PIK3R3: variants seen among roughly 807,000 people sequenced by gnomAD.
PIK3R3 encodes phosphoinositide-3-kinase regulatory subunit 3.
In PIK3R3, 64 loss-of-function variants were observed where a neutral mutation model predicts 62.9. The ratio of observed to expected loss-of-function variants is 1.02; its 90% CI spans 0.83 to 1.25. The LOEUF (loss-of-function observed/expected upper bound fraction) is 1.25. Among genes scored for constraint, PIK3R3 ranks in the 50% most tolerant of loss-of-function variants. The probability of loss-of-function intolerance (pLI) is 0.00; values close to 1 mark genes in which losing one functional copy is unlikely to be tolerated. For synonymous variants in PIK3R3, 165 were observed against 189.0 expected (o/e 0.87, Z 1.04); for missense variants, 614 against 561.6 (o/e 1.09, Z -0.94).
chr1:46,121,958 A>C (rs945699559), intron 1 of PIK3R3, among the ~76,000 whole-genome samples: 3 of 151,916 alleles, frequency 2.0e-5, no homozygotes, highest in African/African-American at 7.2e-5. Flanking sequence ...AAAATTAGCC[A>C]GGTGTGGTGG....
At chr1:46,055,106 CTTTTTT>C (rs754326024) in intron 7 of PIK3R3, among the ~76,000 whole-genome samples, 1 of 125,470 alleles carries the variant, frequency 8.0e-6, no homozygotes, top group African/African-American at 3.0e-5. Flanking sequence ...GTTTCACCAT[CTTTTTT>C]TTTTTTTTTT....
intron 7 of PIK3R3, 88 bp from the exon 8 acceptor site, chr1:46,046,713 T>G: frequency 1.2e-6 from 1 of 824,442 alleles, no homozygotes; most frequent in Non-Finnish European, 2.0e-6. Flanking sequence ...ACTTCTAGAG[T>G]CTAGACACCT....
intron 4 of PIK3R3, 100 bp downstream of exon 4, chr1:46,066,811 T>C: frequency 1.1e-6 from 1 of 936,550 alleles, no homozygotes; most frequent in East Asian, 2.5e-5. Flanking sequence ...AATAACAAAA[T>C]GGCTAGTTTT....
chr1:46,046,513 A>AT (rs768717528), intron 8 of PIK3R3, 38 bp downstream of exon 8: 62 of 1,361,034 alleles, frequency 4.6e-5, no homozygotes, highest in Non-Finnish European at 5.9e-5. Flanking sequence ...TATATTGATA[A>AT]CAAAGCCCTC....
intron 3 of PIK3R3, among the ~76,000 whole-genome samples, chr1:46,075,350 T>G (rs1264602429): frequency 4.6e-5 from 7 of 152,196 alleles, no homozygotes; most frequent in Admixed American, 3.3e-4. Flanking sequence ...GCACAGTGGC[T>G]CACGCCTGTA....
the PIK3R3 span, among the ~76,000 whole-genome samples, chr1:46,143,631 T>C: frequency 6.6e-6 from 1 of 150,928 alleles, no homozygotes; most frequent in Non-Finnish European, 1.5e-5. Context: ...CATGCCACCA[T>C]GCCCAGCTAA....
chr1:46,100,870 G>C (rs1164186943), intron 1 of PIK3R3, among the ~76,000 whole-genome samples: 1 of 152,076 alleles, frequency 6.6e-6, no homozygotes, highest in Non-Finnish European at 1.5e-5. Flanking sequence ...AGCTGTTGCT[G>C]CTATAATGAG....
intron 1 of PIK3R3, among the ~76,000 whole-genome samples, chr1:46,128,412 G>A (rs1655279951): frequency 6.6e-6 from 1 of 152,068 alleles, no homozygotes; most frequent in South Asian, 2.1e-4. Context: ...ACTCCAGACT[G>A]GGCGACACAG....
chr1:46,067,955 A>T (rs763121481), intron 3 of PIK3R3, among the ~76,000 whole-genome samples: 56 of 152,232 alleles, frequency 3.7e-4, no homozygotes, highest in Non-Finnish European at 7.1e-4. Flanking sequence ...GTTGATTCAT[A>T]GCAAAATGCT....
chr1:46,096,864 A>AAAG (rs1427807029), intron 1 of PIK3R3, among the ~76,000 whole-genome samples: 1 of 151,830 alleles, frequency 6.6e-6, no homozygotes, highest in African/African-American at 2.4e-5. Flanking sequence ...AAGAAAGAAA[A>AAAG]AAGAAGAGGA....
At chr1:46,136,069 A>C (rs1037400859), upstream of PIK3R3, among the ~76,000 whole-genome samples, 32 of 140,716 alleles carry the variant, frequency 2.3e-4, no homozygotes, top group Admixed American at 9.1e-4. Context: ...ATGGAAATAT[A>C]CTTTTTTTTT....
the PIK3R3 span, among the ~76,000 whole-genome samples, chr1:46,172,622 T>C: frequency 6.6e-6 from 1 of 152,142 alleles, no homozygotes; most frequent in African/African-American, 2.4e-5. Flanking sequence ...CCCAGGAGAC[T>C]GAGGCTGCAG....
At chr1:46,135,756 G>T (rs1655906355), upstream of PIK3R3, among the ~76,000 whole-genome samples, 1 of 151,880 alleles carries the variant, frequency 6.6e-6, no homozygotes, top group Admixed American at 6.6e-5. Context: ...ATGGGGCCGG[G>T]CACGGTGGCT....
At chr1:46,172,657 T>G in the PIK3R3 span, among the ~76,000 whole-genome samples, 1 of 152,130 alleles carries the variant, frequency 6.6e-6, no homozygotes, top group Non-Finnish European at 1.5e-5. Flanking sequence ...GTCACTGCAC[T>G]CCAGTATGAG....
At chr1:46,071,052 T>A in intron 3 of PIK3R3, among the ~76,000 whole-genome samples, 1 of 152,212 alleles carries the variant, frequency 6.6e-6, no homozygotes, top group East Asian at 1.9e-4. Context: ...GAGTCACCAA[T>A]GACTTTGAAC....
chr1:46,065,041 T>C lies in PIK3R3; in HGVS notation c.621+1013A>G, dbSNP rs140496858. ...CACTAGGAATTAAGTCGAATCAACATAGACTAATGCTTCTATAAATCATTT... is the reference window on the plus strand; with the variant it reads ...CACTAGGAATTAAGTCGAATCAACACAGACTAATGCTTCTATAAATCATTT... On this transcript the variant is annotated intron_variant, in intron 5 of 9. Coordinates refer to ENST00000262741, the MANE Select transcript of PIK3R3 (RefSeq NM_003629.4). Among the ~76,000 whole-genome samples the C allele has an allele frequency of 9.8e-4, 149 of 152,310 alleles. 3 individuals are homozygous for C. In the East Asian group the frequency reaches 0.024, roughly 24 times the overall value.
At chr1:46,067,169 A>G (rs1181654873) in intron 3 of PIK3R3, 78 bp from the exon 4 acceptor site, 1 of 1,101,528 alleles carries the variant, frequency 9.1e-7, no homozygotes, top group Non-Finnish European at 1.3e-6. Flanking sequence ...TGGAGACGTG[A>G]AAGCTTGGTG....
chr1:46,063,572 G>T (rs1438071790), intron 5 of PIK3R3, among the ~76,000 whole-genome samples: 1 of 152,100 alleles, frequency 6.6e-6, no homozygotes, highest in Non-Finnish European at 1.5e-5. Flanking sequence ...TAGATATATT[G>T]GTAAGTAGAA....
intron 1 of PIK3R3, among the ~76,000 whole-genome samples, chr1:46,109,110 G>A (rs1324639452): frequency 6.8e-6 from 1 of 146,076 alleles, no homozygotes; most frequent in African/African-American, 2.6e-5. Context: ...AGTAAGCCAA[G>A]ATCACGCCAC....
Sources: gnomAD v4.1 joint callset for allele counts (sites outside exome capture counted in the v4.1 genomes callset) on GRCh38, gnomAD v4.1.1 for gene constraint, MANE v1.5 for transcripts, NCBI Gene and HGNC (gene_info 2026-07-23, HGNC 2026-07-21) for gene names.